Variants in SCHIP1 observed in about 807,000 individuals in gnomAD.
SCHIP1 encodes the protein schwannomin-interacting protein 1.
Under a neutral mutation model 29.7 loss-of-function variants are expected in SCHIP1, and 8 were observed. The observed-to-expected ratio is 0.27, with a 90% confidence interval of 0.16 to 0.49. The LOEUF is 0.49. SCHIP1 is among the 20% of genes least tolerant of loss of function. The pLI is 0.99. For missense variants in SCHIP1, 193 were observed against 294.6 expected (o/e 0.66, Z 2.52); for synonymous variants, 76 against 94.9 (o/e 0.80, Z 1.16).
chr3:159,555,692 T>G, the SCHIP1 span, among the ~76,000 whole-genome samples: 3 of 152,216 alleles, frequency 2.0e-5, no homozygotes, highest in Non-Finnish European at 4.4e-5. Context: ...CAGACATTCA[T>G]AACCATCTTT....
the SCHIP1 span, among the ~76,000 whole-genome samples, chr3:159,381,284 T>C: frequency 6.6e-6 from 1 of 152,304 alleles, no homozygotes; most frequent in African/African-American, 2.4e-5. Flanking sequence ...TTTGTAACCC[T>C]GATGCACAGA....
At chr3:159,440,245 C>A in the SCHIP1 span, among the ~76,000 whole-genome samples, 3,810 of 152,136 alleles carry the variant, frequency 0.025, 149 homozygotes, top group African/African-American at 0.089. Flanking sequence ...GCTCTGTATT[C>A]TGTATTCTGT....
chr3:159,812,792 G>A, the SCHIP1 span, among the ~76,000 whole-genome samples: 38 of 152,114 alleles, frequency 2.5e-4, 1 homozygote, highest in Middle Eastern at 0.01. Context: ...TGCCATAACC[G>A]AATACCTGAG....
chr3:159,532,749 C>T, the SCHIP1 span, among the ~76,000 whole-genome samples: 1 of 152,100 alleles, frequency 6.6e-6, no homozygotes, highest in Non-Finnish European at 1.5e-5. Flanking sequence ...GGAAATGCCC[C>T]CTGTGGTCTG....
At chr3:159,757,208 G>A in the SCHIP1 span, among the ~76,000 whole-genome samples, 1 of 152,206 alleles carries the variant, frequency 6.6e-6, no homozygotes, top group African/African-American at 2.4e-5. Context: ...ACAAAAGAAA[G>A]AGGTTTATTG....
chr3:159,549,460 AG>A, the SCHIP1 span, among the ~76,000 whole-genome samples: 1 of 152,168 alleles, frequency 6.6e-6, no homozygotes, highest in East Asian at 1.9e-4. Flanking sequence ...TGAGTTCATA[AG>A]GGTGAGGCCC....
At chr3:159,471,149 T>A in the SCHIP1 span, among the ~76,000 whole-genome samples, 47 of 152,068 alleles carry the variant, frequency 3.1e-4, no homozygotes, top group African/African-American at 1.1e-3. Context: ...CCCCTAAAAA[T>A]AAAAAGTGAA....
At chr3:159,764,957 G>A in the SCHIP1 span, 6 of 1,490,240 alleles carry the variant, frequency 4.0e-6, no homozygotes, top group Non-Finnish European at 5.3e-6. This position sits in a 1 kb window ranked among gnomAD's most constrained non-coding sequence, Gnocchi z 6.1. Context: ...GGCCGGCGCA[G>A]TGGCCGCGGC....
chr3:159,408,807 T>C, the SCHIP1 span, among the ~76,000 whole-genome samples: 1 of 152,182 alleles, frequency 6.6e-6, no homozygotes, highest in Non-Finnish European at 1.5e-5. Flanking sequence ...ATTATCCTGA[T>C]ACCAAAACCA....
the SCHIP1 span, among the ~76,000 whole-genome samples, chr3:159,621,973 T>A: frequency 6.6e-6 from 1 of 152,186 alleles, no homozygotes; most frequent in African/African-American, 2.4e-5. Flanking sequence ...GCCCTGCATG[T>A]ATGTTTTAAT....
the SCHIP1 span, among the ~76,000 whole-genome samples, chr3:159,370,526 A>G: frequency 2.0e-5 from 3 of 152,206 alleles, no homozygotes; most frequent in Non-Finnish European, 4.4e-5. Flanking sequence ...GGATGCCCAG[A>G]TAGCTGGTCA....
chr3:159,728,251 G>A, the SCHIP1 span, among the ~76,000 whole-genome samples: 2 of 152,128 alleles, frequency 1.3e-5, no homozygotes, highest in Admixed American at 1.3e-4. Flanking sequence ...AGGGGATAAA[G>A]ACTAAGGAAG....
chr3:159,755,355 G>A, the SCHIP1 span, among the ~76,000 whole-genome samples: 4 of 152,180 alleles, frequency 2.6e-5, no homozygotes, highest in African/African-American at 9.7e-5. Context: ...ATGGCAGCAG[G>A]CAAAAAGAGA....
chr3:159,389,391 T>C, the SCHIP1 span, among the ~76,000 whole-genome samples: 1 of 151,962 alleles, frequency 6.6e-6, no homozygotes, highest in Admixed American at 6.6e-5. Flanking sequence ...ACTCAGAATA[T>C]GAAGTGTTAG....
chr3:159,400,085 A>G, the SCHIP1 span, among the ~76,000 whole-genome samples: 1 of 152,256 alleles, frequency 6.6e-6, no homozygotes, highest in Non-Finnish European at 1.5e-5. Flanking sequence ...GGTTGATAGC[A>G]AGAACTTAAG....
At chr3:159,543,806 A>G in the SCHIP1 span, among the ~76,000 whole-genome samples, 1 of 152,120 alleles carries the variant, frequency 6.6e-6, no homozygotes, top group Non-Finnish European at 1.5e-5. Context: ...GACTTCCACA[A>G]TGGTTGAACT....
At chr3:159,491,253 G>A in the SCHIP1 span, among the ~76,000 whole-genome samples, 102 of 152,320 alleles carry the variant, frequency 6.7e-4, no homozygotes, top group African/African-American at 1.5e-3. Context: ...GCTGGACAGC[G>A]GGTGAAGGAC....
the SCHIP1 span, among the ~76,000 whole-genome samples, chr3:159,770,718 TC>T: frequency 1.3e-5 from 2 of 152,192 alleles, no homozygotes; most frequent in African/African-American, 4.8e-5. Context: ...GAAAGAGGTT[TC>T]CCCTTTTCCC....
chr3:159,786,709 A>G, the SCHIP1 span, among the ~76,000 whole-genome samples: 3 of 144,306 alleles, frequency 2.1e-5, no homozygotes, highest in African/African-American at 7.7e-5. Flanking sequence ...GCGCGTGTGC[A>G]CTGTGTGTGT....
Sources: allele counts gnomAD v4.1 joint callset (sites outside exome capture counted in the v4.1 genomes callset), GRCh38; gene constraint gnomAD v4.1.1; non-coding constraint Gnocchi (gnomAD v3.1); transcripts MANE v1.5; gene names NCBI Gene and HGNC (gene_info 2026-07-23, HGNC 2026-07-21).